Variants in SDK1 observed in about 807,000 individuals in gnomAD.
The protein encoded by SDK1 is protein sidekick-1.
A neutral mutation model predicts 245.5 loss-of-function variants in SDK1; 157 were observed. The ratio of observed to expected loss-of-function variants is 0.64; its 90% CI spans 0.56 to 0.73. The LOEUF (loss-of-function observed/expected upper bound fraction) is 0.73, where lower values mean the gene tolerates loss of function less well. Among genes scored for constraint, SDK1 ranks in the 30% least tolerant of loss-of-function variants. The probability of loss-of-function intolerance (pLI) is 0.00; values close to 1 mark genes in which losing one functional copy is unlikely to be tolerated. For missense variants in SDK1, 3,583 were observed against 3,002.3 expected (o/e 1.19, Z -4.52); for synonymous variants, 1,647 against 1,278.5 (o/e 1.29, Z -6.15).
chr7:3,765,178 G>T (rs1483369796), intron 4 of SDK1, among the ~76,000 whole-genome samples: 1 of 151,712 alleles, frequency 6.6e-6, no homozygotes, highest in African/African-American at 2.4e-5. Context: ...ATAGTGTGTG[G>T]CTTTAAAAAA....
At chr7:3,656,413 C>G (rs1783186602) in intron 4 of SDK1, among the ~76,000 whole-genome samples, 1 of 152,302 alleles carries the variant, frequency 6.6e-6, no homozygotes, top group East Asian at 1.9e-4. Context: ...GTTCCTCTGA[C>G]AAATACCTCC....
chr7:4,169,094 G>A (rs752752387), intron 32 of SDK1, among the ~76,000 whole-genome samples: 14 of 152,242 alleles, frequency 9.2e-5, no homozygotes, highest in Non-Finnish European at 1.5e-4. Context: ...GGAGAGGAAA[G>A]TCAGAAGCCC....
chr7:3,844,618 C>T (rs1583469658), intron 5 of SDK1, among the ~76,000 whole-genome samples: 2 of 152,140 alleles, frequency 1.3e-5, no homozygotes, highest in South Asian at 2.1e-4. Flanking sequence ...AAGAAAAACC[C>T]GCTTCCCTAA....
At chr7:3,508,646 G>T (rs1455845674) in intron 1 of SDK1, among the ~76,000 whole-genome samples, 1 of 152,060 alleles carries the variant, frequency 6.6e-6, no homozygotes, top group African/African-American at 2.4e-5. Flanking sequence ...TCATTCTTGA[G>T]ATTGCAATTT....
intron 1 of SDK1, among the ~76,000 whole-genome samples, chr7:3,539,990 G>A (rs541773195): frequency 6.6e-6 from 1 of 152,290 alleles, no homozygotes; most frequent in Non-Finnish European, 1.5e-5. Context: ...TAAAACTCTG[G>A]ATGGTAGTGT....
At chr7:4,005,163 A>C (rs1463171776) in intron 14 of SDK1, among the ~76,000 whole-genome samples, 2 of 146,178 alleles carry the variant, frequency 1.4e-5, no homozygotes, top group African/African-American at 5.1e-5. Context: ...CTCCTGCCTC[A>C]GCCTCCCAAG....
intron 44 of SDK1, among the ~76,000 whole-genome samples, chr7:4,259,869 T>C (rs886206968): frequency 5.9e-5 from 9 of 152,110 alleles, no homozygotes; most frequent in Non-Finnish European, 1.2e-4. Context: ...ACCCGAGGGG[T>C]TGGGGAGCTC....
At chr7:3,435,324 T>C (rs923306689) in intron 1 of SDK1, among the ~76,000 whole-genome samples, 1 of 54,368 alleles carries the variant, frequency 1.8e-5, no homozygotes, top group Non-Finnish European at 4.2e-5. Context: ...GGACTGCCTT[T>C]TTTTTTTTTT....
At chr7:3,810,883 A>C (rs1164625957) in intron 4 of SDK1, among the ~76,000 whole-genome samples, 1 of 152,152 alleles carries the variant, frequency 6.6e-6, no homozygotes, top group Non-Finnish European at 1.5e-5. Flanking sequence ...AAATTATTAC[A>C]TGTACGCTCT....
chr7:3,992,928 A>G (rs1211580870), intron 14 of SDK1, among the ~76,000 whole-genome samples: 2 of 152,238 alleles, frequency 1.3e-5, no homozygotes, highest in African/African-American at 4.8e-5. Context: ...ATTGCTCTGC[A>G]GATACTGACC....
chr7:4,044,019 G>GT (rs1788835618), intron 17 of SDK1, among the ~76,000 whole-genome samples: 1 of 151,966 alleles, frequency 6.6e-6, no homozygotes, highest in Non-Finnish European at 1.5e-5. Context: ...AGCAGAGATT[G>GT]TTCTGGTCAT....
In SDK1 at chr7:4,267,518, G is replaced by A; in HGVS notation, c.*2134G>A. 4 of 985,462 alleles carry A rather than the reference G, an allele frequency of 4.1e-6. No individual in the cohort carries two copies. Among genetic ancestry groups the A allele is most frequent in the East Asian group, 1.1e-4 (1 of 8,806 alleles). The allele number at this position is 985,462 out of a possible 1,614,324, so 61.0% of individuals were successfully genotyped here. A position where few individuals can be genotyped will look rare whatever the true frequency, so the allele number is the denominator to read the frequency against. ...CTCGGCCCCGGAGAGGGCGAAGTGG[G>A]CGGGAAGCCAGGATGTGAGCACTGG... On this transcript the variant is annotated 3_prime_UTR_variant, in exon 45 of 45. Coordinates refer to ENST00000404826, the MANE Select transcript of SDK1 (RefSeq NM_152744.4).
At chr7:3,857,972 A>G (rs1325724895) in intron 5 of SDK1, among the ~76,000 whole-genome samples, 2 of 152,222 alleles carry the variant, frequency 1.3e-5, no homozygotes, top group Non-Finnish European at 2.9e-5. Context: ...TACCATATAC[A>G]TGGATGGAAA....
intron 4 of SDK1, among the ~76,000 whole-genome samples, chr7:3,713,342 C>T (rs1785103172): frequency 6.6e-6 from 1 of 152,146 alleles, no homozygotes; most frequent in Non-Finnish European, 1.5e-5. Context: ...TTACAGAAAT[C>T]CTATTCCTCA....
In SDK1 at chr7:4,237,794, C is replaced by T. The variant is rs750262984; in HGVS notation, c.6130+10C>T. The T allele has an allele frequency of 7.4e-5, 119 of 1,613,896 alleles. No individual in the cohort carries two copies. Among genetic ancestry groups the T allele is most frequent in the Non-Finnish European group, 9.6e-5 (113 of 1,179,930 alleles). Reference sequence around the variant, plus strand: ...AAGAACTGCAGCACAGGTGCAGGTCCAGCCCCTTCCTCGCGTGTCCCACGA... The same window carrying T: ...AAGAACTGCAGCACAGGTGCAGGTCTAGCCCCTTCCTCGCGTGTCCCACGA... On this transcript the variant is annotated intron_variant, in intron 42 of 44. Transcript: ENST00000404826.
intron 1 of SDK1, among the ~76,000 whole-genome samples, chr7:3,448,728 G>T (rs567043293): frequency 1.3e-5 from 2 of 151,908 alleles, no homozygotes; most frequent in Non-Finnish European, 1.5e-5. Context: ...CTTTCTTTCT[G>T]AATTTAAATG....
chr7:4,237,627 T>C lies in SDK1; in HGVS notation c.5993-20T>C, dbSNP rs1476286170. ...GGAGCGTCTGCCCCATGTCATTGTG[T>C]GTCCGTGTCTTTTCCACAGCTCAAG... On this transcript the variant is annotated intron_variant, in intron 41 of 44. Coordinates refer to ENST00000404826, the MANE Select transcript of SDK1 (RefSeq NM_152744.4). 6.2e-7 allele frequency: 1 copy of C among 1,613,992 alleles called. No homozygotes were observed. The highest frequency in any genetic ancestry group is 2.2e-5 in the East Asian group (1 of 44,898).
rs548932114 is a variant in SDK1, at chr7:3,525,266, C to T, written c.299-93814C>T. 3.3e-5 allele frequency among the ~76,000 whole-genome samples: 5 copies of T among 152,120 alleles called. No individual in the cohort carries two copies. The South Asian group carries it at 8.3e-4, about 25-fold the overall frequency. On this transcript the variant is annotated intron_variant, in intron 1 of 44. Transcript: ENST00000404826. ...TATGCCTGTACGTGATGATGGGCCT[C>T]TCTCCATGAATTTAAGTCACCAGGA...
chr7:4,028,214 C>A (rs1430329465), intron 17 of SDK1, among the ~76,000 whole-genome samples: 1 of 152,172 alleles, frequency 6.6e-6, no homozygotes, highest in African/African-American at 2.4e-5. Context: ...GACATGCCCT[C>A]CAGGTGACTC....
Sources: allele counts gnomAD v4.1 joint callset (sites outside exome capture counted in the v4.1 genomes callset), GRCh38; gene constraint gnomAD v4.1.1; transcripts MANE v1.5; gene names NCBI Gene and HGNC (gene_info 2026-07-23, HGNC 2026-07-21).